SMAD2: variants seen among roughly 807,000 people sequenced by gnomAD.
The protein encoded by SMAD2 is MAD homolog 2.
SMAD2 carries 8 observed loss-of-function variants against 64.4 expected under a neutral mutation model. The ratio of observed to expected loss-of-function variants is 0.12; its 90% confidence interval spans 0.07 to 0.22. The LOEUF (loss-of-function observed/expected upper bound fraction) is 0.22. SMAD2 is among the 10% of genes least tolerant of loss of function. The pLI is 1.00. For synonymous variants in SMAD2, 203 were observed against 195.8 expected (o/e 1.04, Z -0.31); for missense variants, 289 against 561.2 (o/e 0.51, Z 4.90).
Position 47,814,625 on chromosome 18 carries a change from G to C in SMAD2, c.*27202C>G, listed in dbSNP as rs1912311114. The C allele has an allele frequency of 1.3e-5, 2 of 152,220 alleles. No homozygotes were observed. The highest frequency in any genetic ancestry group is 4.1e-4 in the South Asian group (2 of 4,830). The allele number at this position is 152,220 out of a possible 1,614,324, so 9.4% of individuals were successfully genotyped here. A position where few individuals can be genotyped will look rare whatever the true frequency, so the allele number is the denominator to read the frequency against. ...TGCGAGTCTTGGAGCAGCAGGGTTA[G>C]TCAACTACTTTCCTGGCATAGCCTG... On this transcript the variant is annotated 3_prime_UTR_variant, in exon 11 of 11. Transcript: ENST00000262160.
chr18:47,906,928 T>A (rs2033928107), intron 1 of SMAD2, among the ~76,000 whole-genome samples: 4 of 152,106 alleles, frequency 2.6e-5, no homozygotes, highest in African/African-American at 7.2e-5. Flanking sequence ...ACCCAGATAA[T>A]CCAGGATCAT....
intron 10 of SMAD2, 159 bp downstream of exon 10, chr18:47,845,181 C>T (rs1434142608): frequency 2.7e-6 from 2 of 741,090 alleles, no homozygotes; most frequent in African/African-American, 1.8e-5. Context: ...TAATTTGCAA[C>T]AGTTTTGAAT....
rs979993032 is a variant in SMAD2 at position 47,818,254 on chromosome 18, G to T, written c.*23573C>A. ...CAAAAAGAAAAAAAAAGGTCTTAAA[G>T]GGCCTTAAATTAATGGCTTTATAAA... On this transcript the variant is annotated 3_prime_UTR_variant, in exon 11 of 11. Coordinates refer to ENST00000262160, the MANE Select transcript of SMAD2 (RefSeq NM_005901.6). The T allele has an allele frequency of 6.6e-6, 1 of 152,140 alleles. No homozygotes were observed. The highest frequency in any genetic ancestry group is 1.5e-5 in the Non-Finnish European group (1 of 68,032). The allele number at this position is 152,140 out of a possible 1,614,324, so 9.4% of individuals were successfully genotyped here.
In SMAD2 at chr18:47,830,142, T is replaced by G. The variant is rs1912930128; in HGVS notation, c.*11685A>C. On this transcript the variant is annotated 3_prime_UTR_variant, in exon 11 of 11. Transcript: ENST00000262160. ...TTTTAAATGTGGTGATAACACGTTATTATTCATGATTTAAAAGTTGAAATG... is the reference window on the plus strand; with the variant it reads ...TTTTAAATGTGGTGATAACACGTTAGTATTCATGATTTAAAAGTTGAAATG... The G allele has an allele frequency of 6.6e-6, 1 of 152,270 alleles. No individual in the cohort carries two copies. Among genetic ancestry groups the G allele is most frequent in the South Asian group, 2.1e-4 (1 of 4,836 alleles). 9.4% of individuals were successfully genotyped at this position (152,270 alleles called of 1,614,324 possible).
At chr18:47,903,757 A>C (rs1339984947) in intron 1 of SMAD2, among the ~76,000 whole-genome samples, 1 of 152,040 alleles carries the variant, frequency 6.6e-6, no homozygotes, top group Non-Finnish European at 1.5e-5. Flanking sequence ...TAGAAATGAA[A>C]ACTATAGTAT....
At chr18:47,860,024 T>C (rs1787194) in intron 6 of SMAD2, among the ~76,000 whole-genome samples, 87,717 of 151,846 alleles carry the variant, frequency 0.58, 25,729 homozygotes, top group East Asian at 0.83. Flanking sequence ...GGTCCCAGCT[T>C]CTCGAGAGGC....
intron 1 of SMAD2, among the ~76,000 whole-genome samples, chr18:47,927,048 A>G (rs1348962964): frequency 6.6e-6 from 1 of 152,182 alleles, no homozygotes; most frequent in Non-Finnish European, 1.5e-5. Flanking sequence ...CTGCTGTCCA[A>G]TCCTGGGTCT....
At chr18:47,863,417 G>A (rs960855533) in intron 6 of SMAD2, among the ~76,000 whole-genome samples, 2 of 152,148 alleles carry the variant, frequency 1.3e-5, no homozygotes, top group Non-Finnish European at 2.9e-5. Context: ...ATTTTAGCTG[G>A]CTGATTCAGC....
intron 1 of SMAD2, among the ~76,000 whole-genome samples, chr18:47,915,628 CACTT>C (rs2034302564): frequency 6.6e-6 from 1 of 152,198 alleles, no homozygotes; most frequent in Non-Finnish European, 1.5e-5. Flanking sequence ...TATACACACA[CACTT>C]TGCTAAAAAA....
Position 47,834,805 on chromosome 18 carries a change from TAATC to T in SMAD2, c.*7018_*7021del. 4.6e-6 allele frequency: 1 copy of T among 219,328 alleles called. No homozygotes were observed. Among genetic ancestry groups the T allele is most frequent in the African/African-American group, 2.2e-5 (1 of 44,672 alleles). 13.6% of individuals were successfully genotyped at this position (219,328 alleles called of 1,614,324 possible). ...TTTTACTGTATTCTCTTTTTGCAAT[TAATC>T]CAGTTTTGTATGTCTTTTCTTTCTT... On this transcript the variant is annotated 3_prime_UTR_variant, in exon 11 of 11. Coordinates refer to ENST00000262160, the MANE Select transcript of SMAD2 (RefSeq NM_005901.6).
At position 47,837,573 on chromosome 18, in the gene SMAD2, A is replaced by AAAC; in HGVS notation, c.*4253_*4254insGTT. The AAAC allele has an allele frequency of 4.4e-6, 1 of 227,664 alleles. No homozygotes were observed. The allele number at this position is 227,664 out of a possible 1,614,324, so 14.1% of individuals were successfully genotyped here. A position where few individuals can be genotyped will look rare whatever the true frequency, so the allele number is the denominator to read the frequency against. ...CGAGACTCCCTCTCAAAAAAAAAAA[A>AAAC]AAAAAACAAAAAACAAGGCTAACAA... On this transcript the variant is annotated 3_prime_UTR_variant, in exon 11 of 11. Transcript: ENST00000262160.
In SMAD2 at chr18:47,815,573, CCATTT is replaced by C. The variant is rs779688442; in HGVS notation, c.*26249_*26253del. The C allele has an allele frequency of 5.3e-5, 8 of 152,210 alleles. No individual in the cohort carries two copies. Among genetic ancestry groups the C allele is most frequent in the Non-Finnish European group, 1.2e-4 (8 of 68,056 alleles). 9.4% of individuals were successfully genotyped at this position (152,210 alleles called of 1,614,324 possible). ...TCTCCTTCTGACTCCAATTTGGAAA[CCATTT>C]ATTTAACCACTAGTACAAAAACTGG... On this transcript the variant is annotated 3_prime_UTR_variant, in exon 11 of 11. Transcript: ENST00000262160.
rs1236275477 is a variant in SMAD2 at position 47,824,476 on chromosome 18, A to T, written c.*17351T>A. On this transcript the variant is annotated 3_prime_UTR_variant, in exon 11 of 11. Coordinates refer to ENST00000262160, the MANE Select transcript of SMAD2 (RefSeq NM_005901.6). ...ATATAATCTTTATCTGTCCTTTAAA[A>T]ACCTGTCTTCCTTTACCTTCCTGAA... 3 of 152,218 alleles carry T rather than the reference A, an allele frequency of 2.0e-5. No individual in the cohort carries two copies. The highest frequency in any genetic ancestry group is 2.9e-5 in the Non-Finnish European group (2 of 68,032). 9.4% of individuals were successfully genotyped at this position (152,218 alleles called of 1,614,324 possible).
rs1292992707 is a variant in SMAD2, at chr18:47,829,795, CA to C, written c.*12031del. The C allele has an allele frequency of 6.6e-6, 1 of 152,024 alleles. No homozygotes were observed. Among genetic ancestry groups the C allele is most frequent in the Non-Finnish European group, 1.5e-5 (1 of 68,010 alleles). 9.4% of individuals were successfully genotyped at this position (152,024 alleles called of 1,614,324 possible). On this transcript the variant is annotated 3_prime_UTR_variant, in exon 11 of 11. Coordinates refer to ENST00000262160, the MANE Select transcript of SMAD2 (RefSeq NM_005901.6). ...TAGCTTTTTATGTTTTATGTTTTAC[CA>C]ACAAATAATTTGTATGTTAAATTTA...
intron 1 of SMAD2, among the ~76,000 whole-genome samples, chr18:47,897,476 C>A (rs1381655857): frequency 6.6e-6 from 1 of 152,084 alleles, no homozygotes; most frequent in African/African-American, 2.4e-5. Flanking sequence ...TGTACCTTGT[C>A]TTTTCTCTTC....
Position 47,878,699 on chromosome 18 carries a change from G to A in SMAD2, c.237-8135C>T, listed in dbSNP as rs147450777. On this transcript the variant is annotated intron_variant, in intron 2 of 10. Coordinates refer to ENST00000262160, the MANE Select transcript of SMAD2 (RefSeq NM_005901.6). ...TATCTCAGAAAAGAAAAACTCAACA[G>A]TTTCTAAGTATTTATTCCAACTTCT... Among the ~76,000 whole-genome samples, 252 of 152,262 alleles carry A rather than the reference G, an allele frequency of 1.7e-3. 1 individual carries two copies. The highest frequency in any genetic ancestry group is 5.1e-3 in the African/African-American group (214 of 41,570).
chr18:47,879,356 G>T (rs549740849), intron 2 of SMAD2, among the ~76,000 whole-genome samples: 16 of 152,080 alleles, frequency 1.1e-4, no homozygotes, highest in Non-Finnish European at 1.9e-4. Flanking sequence ...ATCCCCAGAG[G>T]CAACCACTAA....
In SMAD2 at chr18:47,838,380, A is replaced by C. The variant is rs1568027021; in HGVS notation, c.*3447T>G. On this transcript the variant is annotated 3_prime_UTR_variant, in exon 11 of 11. Coordinates refer to ENST00000262160, the MANE Select transcript of SMAD2 (RefSeq NM_005901.6). The stretch of plus-strand genomic sequence containing the variant: ...CCAAAGTGACAGGTCCTGAGGAAAA[A>C]AAACACAACCTCTACAAGACCAAGC... 1 of 233,190 alleles carries C rather than the reference A, an allele frequency of 4.3e-6. No homozygotes were observed. The highest frequency in any genetic ancestry group is 2.2e-5 in the African/African-American group (1 of 45,338). 14.4% of individuals were successfully genotyped at this position (233,190 alleles called of 1,614,324 possible).
rs140753862 is a variant in SMAD2 at position 47,834,766 on chromosome 18, C to T, written c.*7061G>A. The stretch of plus-strand genomic sequence containing the variant: ...CTTCTAAAGGTTCTTCTAGCTTTGT[C>T]CAGTTATATGGTATTTTACTGTATT... On this transcript the variant is annotated 3_prime_UTR_variant, in exon 11 of 11. Transcript: ENST00000262160. 1.0e-4 allele frequency: 23 copies of T among 221,466 alleles called. 1 individual carries two copies. In the East Asian group the frequency reaches 1.3e-3, roughly 13 times the overall value. The allele number at this position is 221,466 out of a possible 1,614,324, so 13.7% of individuals were successfully genotyped here. A position where few individuals can be genotyped will look rare whatever the true frequency, so the allele number is the denominator to read the frequency against.
Sources: gnomAD v4.1 joint callset for allele counts (sites outside exome capture counted in the v4.1 genomes callset) on GRCh38, gnomAD v4.1.1 for gene constraint, MANE v1.5 for transcripts, NCBI Gene and HGNC (gene_info 2026-07-23, HGNC 2026-07-21) for gene names.